The following ELOVL7 variants were observed in gnomAD, a reference collection of about 807,000 sequenced individuals.
ELOVL7 encodes ELOVL fatty acid elongase 7.
A neutral mutation model predicts 35.7 loss-of-function variants in ELOVL7; 27 were observed. That is an observed-to-expected ratio of 0.76 (90% CI 0.56 to 1.04). The LOEUF is 1.04. Among genes scored for constraint, ELOVL7 ranks in the 50% least tolerant of loss-of-function variants. ELOVL7 has a pLI of 0.00. For missense variants in ELOVL7, 327 were observed against 340.8 expected (o/e 0.96, Z 0.32); for synonymous variants, 113 against 114.6 (o/e 0.99, Z 0.09).
At chr5:60,831,421 C>A (rs1260456534) in intron 1 of ELOVL7, among the ~76,000 whole-genome samples, 1 of 152,174 alleles carries the variant, frequency 6.6e-6, no homozygotes, top group African/African-American at 2.4e-5. Context: ...TACATGTATA[C>A]ACAAATGTGA....
intron 1 of ELOVL7, among the ~76,000 whole-genome samples, chr5:60,802,028 T>C (rs945698376): frequency 2.0e-5 from 3 of 147,572 alleles, no homozygotes; most frequent in Non-Finnish European, 4.5e-5. Flanking sequence ...GTTGAGACTT[T>C]GCCCTGTGAG....
intron 7 of ELOVL7, among the ~76,000 whole-genome samples, chr5:60,760,519 A>G (rs2112134567): frequency 6.6e-6 from 1 of 152,048 alleles, no homozygotes; most frequent in Non-Finnish European, 1.5e-5. Context: ...GTTTGAGTTC[A>G]TTGTAGATTC....
chr5:60,808,159 A>C (rs928707712), intron 1 of ELOVL7, among the ~76,000 whole-genome samples: 4 of 152,036 alleles, frequency 2.6e-5, no homozygotes, highest in African/African-American at 9.7e-5. Flanking sequence ...GTATAGAAGA[A>C]AACCTGAAGT....
chr5:60,817,752 A>ATG (rs1745610413), intron 1 of ELOVL7, among the ~76,000 whole-genome samples: 2 of 147,688 alleles, frequency 1.4e-5, no homozygotes, highest in East Asian at 2.0e-4. Flanking sequence ...CACACACCAT[A>ATG]TATATACCAT....
chr5:60,764,388 G>C (rs1742109497), intron 6 of ELOVL7, 56 bp from the exon 7 acceptor site: 2 of 1,340,358 alleles, frequency 1.5e-6, no homozygotes, highest in Middle Eastern at 1.8e-4. Context: ...AGTGTATTGA[G>C]TATTATAAAA....
chr5:60,801,308 A>G (rs748962539), intron 1 of ELOVL7, among the ~76,000 whole-genome samples: 1 of 152,172 alleles, frequency 6.6e-6, no homozygotes, highest in Non-Finnish European at 1.5e-5. Flanking sequence ...TGGAGGATCT[A>G]GCCACAGCAA....
chr5:60,764,089 A>C, intron 7 of ELOVL7, 138 bp downstream of exon 7: 2 of 670,716 alleles, frequency 3.0e-6, no homozygotes, highest in Non-Finnish European at 5.3e-6. Flanking sequence ...TTCAAGTAAT[A>C]ATTAATGAAA....
chr5:60,769,931 G>A (rs1308795503), intron 4 of ELOVL7, among the ~76,000 whole-genome samples: 1 of 151,962 alleles, frequency 6.6e-6, no homozygotes, highest in Admixed American at 6.6e-5. Flanking sequence ...CATGCCTGTA[G>A]TCTCAGCTAC....
At chr5:60,780,114 C>CTT (rs59345433) in intron 3 of ELOVL7, among the ~76,000 whole-genome samples, 20 of 124,310 alleles carry the variant, frequency 1.6e-4, no homozygotes, top group East Asian at 6.7e-4. Context: ...CAAACTTTCC[C>CTT]TTTTTTTTTT....
chr5:60,833,094 G>C (rs1216112386), intron 1 of ELOVL7, among the ~76,000 whole-genome samples: 2 of 152,116 alleles, frequency 1.3e-5, no homozygotes, highest in African/African-American at 4.8e-5. Flanking sequence ...AAAGATGGAG[G>C]GGGGCAATCC....
At position 60,754,313 on chromosome 5, in the gene ELOVL7, G is replaced by A. The variant is rs1488437999; in HGVS notation, c.*311C>T. Reference sequence around the variant, plus strand: ...CATCTTTATTGGACTTCTTTGAAGAGTACTGTATTGCTTCATATCTTTTTT... The same window carrying A: ...CATCTTTATTGGACTTCTTTGAAGAATACTGTATTGCTTCATATCTTTTTT... On this transcript the variant is annotated 3_prime_UTR_variant, in exon 9 of 9. Transcript: ENST00000508821. The A allele has an allele frequency of 3.2e-6, 1 of 308,862 alleles. No individual in the cohort carries two copies. Among genetic ancestry groups the A allele is most frequent in the Non-Finnish European group, 6.1e-6 (1 of 164,012 alleles). 19.1% of individuals were successfully genotyped at this position (308,862 alleles called of 1,614,324 possible).
chr5:60,814,704 A>G (rs970082977), intron 1 of ELOVL7, among the ~76,000 whole-genome samples: 9 of 152,308 alleles, frequency 5.9e-5, no homozygotes, highest in South Asian at 4.1e-4. Flanking sequence ...ACAGTTACTA[A>G]GCTGTAGAGG....
chr5:60,800,093 A>G (rs944376833), intron 1 of ELOVL7, among the ~76,000 whole-genome samples: 21 of 151,930 alleles, frequency 1.4e-4, no homozygotes, highest in Non-Finnish European at 2.5e-4. Flanking sequence ...TCTTCGAAAA[A>G]AAAATGAAGA....
At chr5:60,814,097 A>T (rs2112329055) in intron 1 of ELOVL7, among the ~76,000 whole-genome samples, 4 of 152,322 alleles carry the variant, frequency 2.6e-5, no homozygotes, top group Admixed American at 2.6e-4. Context: ...GGTCGGAAAG[A>T]CTTTTCTCAG....
intron 7 of ELOVL7, among the ~76,000 whole-genome samples, chr5:60,760,955 T>C (rs1399747014): frequency 1.3e-5 from 2 of 152,226 alleles, no homozygotes; most frequent in East Asian, 3.9e-4. Context: ...TTTAGTAAGG[T>C]TTACTGATCA....
Position 60,772,105 on chromosome 5 carries a change from A to G in ELOVL7, c.65-12T>C, listed in dbSNP as rs1742633402. On this transcript the variant is annotated splice_polypyrimidine_tract_variant and intron_variant, in intron 3 of 8. Transcript: ENST00000508821. Reference sequence around the variant, plus strand: ...TTCAACTCTTGGATCTAAGAGAAAAACAATATGTGAGTACACACCTGCTTA... The same window carrying G: ...TTCAACTCTTGGATCTAAGAGAAAAGCAATATGTGAGTACACACCTGCTTA... The G allele has an allele frequency of 1.3e-6, 2 of 1,588,362 alleles. No homozygotes were observed. The highest frequency in any genetic ancestry group is 1.4e-5 in the African/African-American group (1 of 73,702).
chr5:60,824,581 C>T (rs568562203), intron 1 of ELOVL7, among the ~76,000 whole-genome samples: 23 of 152,290 alleles, frequency 1.5e-4, no homozygotes, highest in South Asian at 6.2e-4. Context: ...CCAGTCCACC[C>T]AGATCTTTAA....
chr5:60,784,678 G>C (rs945257038), intron 3 of ELOVL7, among the ~76,000 whole-genome samples: 1 of 152,040 alleles, frequency 6.6e-6, no homozygotes, highest in Non-Finnish European at 1.5e-5. Context: ...ACATTTCCAG[G>C]GTAAGCAGAC....
rs187040757 is a variant in ELOVL7, at chr5:60,833,013, G to A, written c.-86+11147C>T. ...TTCAGTTTCTGTACTTGTAACATGG[G>A]GGAAGCATAATCCTCGCCCTGCCGT... On this transcript the variant is annotated intron_variant, in intron 1 of 8. Transcript: ENST00000508821. Among the ~76,000 whole-genome samples, 192 of 152,258 alleles carry A rather than the reference G, an allele frequency of 1.3e-3. 1 individual carries two copies. The highest frequency in any genetic ancestry group is 4.5e-3 in the African/African-American group (187 of 41,562).
Sources: allele counts gnomAD v4.1 joint callset (sites outside exome capture counted in the v4.1 genomes callset), GRCh38; gene constraint gnomAD v4.1.1; transcripts MANE v1.5; gene names NCBI Gene and HGNC (gene_info 2026-07-23, HGNC 2026-07-21).